The following DSC2 variants were observed in gnomAD, a reference collection of about 807,000 sequenced individuals.
DSC2 encodes the protein desmocollin 2, also known as desmocollin-2.
Under a neutral mutation model 87.6 loss-of-function variants are expected in DSC2, and 51 were observed. The ratio of observed to expected loss-of-function variants is 0.58; its 90% confidence interval spans 0.46 to 0.74. The LOEUF (loss-of-function observed/expected upper bound fraction) is 0.74. Ranked by LOEUF, DSC2 falls within the 30% of genes least tolerant of loss-of-function variation. DSC2 has a pLI of 0.00. For synonymous variants in DSC2, 383 were observed against 393.2 expected (o/e 0.97, Z 0.31); for missense variants, 1,066 against 1,089.5 (o/e 0.98, Z 0.30).
At position 31,070,747 on chromosome 18, in the gene DSC2, T is replaced by G. The variant is rs1380094242; in HGVS notation, c.2229A>C (p.Glu743Asp). Residue 743 changes from glutamate to aspartate, a missense_variant, in exon 14 of 16, where the codon GAA (glutamate) becomes GAC (aspartate). Glu to Asp is a conservative substitution (Grantham distance 45). Transcript: ENST00000280904. ...TTACCACTTTGTCATCTCCAGGAGC[T>G]TCTGTGTTTGATACAATTAGGTTCT... ...AQQNLIVSNTEAPGDDKVYSA... is the reference protein window; with the variant it reads ...AQQNLIVSNTDAPGDDKVYSA... 7.4e-6 allele frequency: 12 copies of G among 1,613,898 alleles called. No individual in the cohort carries two copies. Among genetic ancestry groups the G allele is most frequent in the South Asian group, 1.1e-5 (1 of 91,082 alleles).
chr18:31,068,863 A>G (rs1468212502), intron 15 of DSC2, 31 bp downstream of exon 15: 4 of 1,611,984 alleles, frequency 2.5e-6, no homozygotes, highest in African/African-American at 1.3e-5. Context: ...GAAAATTAAA[A>G]TAGATTTGTA....
chr18:31,079,704 A>T, intron 11 of DSC2, 143 bp downstream of exon 11: 1 of 893,142 alleles, frequency 1.1e-6, no homozygotes, highest in Non-Finnish European at 1.7e-6. Context: ...TTAATAAATT[A>T]TAGTAAACCT....
At chr18:31,088,452 G>A (rs566051752) in intron 5 of DSC2, among the ~76,000 whole-genome samples, 82 of 152,148 alleles carry the variant, frequency 5.4e-4, no homozygotes, top group African/African-American at 1.8e-3. Context: ...AGAAAGGCCA[G>A]AACATCCTAG....
At position 31,082,453 on chromosome 18, in the gene DSC2, C is replaced by T. The variant is rs200212096; in HGVS notation, c.1078-30G>A. On this transcript the variant is annotated intron_variant, in intron 8 of 15. Transcript: ENST00000280904. The stretch of plus-strand genomic sequence containing the variant: ...AATAATAAAAGCAAACAAAAAATTT[C>T]GTTAGTAACTCTCACAAAAATTGAA... 298 of 1,599,264 alleles carry T rather than the reference C, an allele frequency of 1.9e-4. No homozygotes were observed. The African/African-American group carries it at 3.3e-3, about 18-fold the overall frequency.
chr18:31,078,754 C>T (rs1164585724), intron 11 of DSC2, among the ~76,000 whole-genome samples: 1 of 152,110 alleles, frequency 6.6e-6, no homozygotes, highest in African/African-American at 2.4e-5. Flanking sequence ...CTTCCAAAAT[C>T]ACTTCTAAAT....
At position 31,064,039 on chromosome 18, in the gene DSC2, G is replaced by A. The variant is rs1480780880; in HGVS notation, c.*3976C>T. The stretch of plus-strand genomic sequence containing the variant: ...TGCTGAAGATTTAATCTGGGGTACT[G>A]GCGGGGGGGAATATTGATCAGGAAT... On this transcript the variant is annotated 3_prime_UTR_variant, in exon 16 of 16. Coordinates refer to ENST00000280904, the MANE Select transcript of DSC2 (RefSeq NM_024422.6). The A allele has an allele frequency of 6.6e-6, 1 of 152,628 alleles. No homozygotes were observed. Among genetic ancestry groups the A allele is most frequent in the East Asian group, 1.9e-4 (1 of 5,196 alleles). 9.5% of individuals were successfully genotyped at this position (152,628 alleles called of 1,614,324 possible).
chr18:31,072,472 T>C (rs900649870), intron 12 of DSC2, among the ~76,000 whole-genome samples: 13 of 152,184 alleles, frequency 8.5e-5, no homozygotes, highest in African/African-American at 2.9e-4. Flanking sequence ...CTAGAAAATA[T>C]CTAGAACCGA....
intron 1 of DSC2, among the ~76,000 whole-genome samples, chr18:31,096,984 G>A (rs2144858331): frequency 6.6e-6 from 1 of 152,162 alleles, no homozygotes; most frequent in South Asian, 2.1e-4. Flanking sequence ...TGAAAATATG[G>A]TTAGTCTTCA....
intron 12 of DSC2, among the ~76,000 whole-genome samples, chr18:31,073,433 G>C (rs1986900177): frequency 6.6e-6 from 1 of 150,926 alleles, no homozygotes; most frequent in Non-Finnish European, 1.5e-5. Context: ...TGTTTAGAAA[G>C]CTGAAAATCT....
At chr18:31,097,163 C>T (rs918754223) in intron 1 of DSC2, among the ~76,000 whole-genome samples, 3 of 151,768 alleles carry the variant, frequency 2.0e-5, no homozygotes, top group Middle Eastern at 3.4e-3. Context: ...TGGCGGGCAC[C>T]GGTAGTCCCG....
Position 31,090,151 on chromosome 18 carries a change from G to A in DSC2, c.475-557C>T, listed in dbSNP as rs991867473. Among the ~76,000 whole-genome samples the A allele has an allele frequency of 1.6e-4, 24 of 151,958 alleles. 1 individual carries two copies. The highest frequency in any genetic ancestry group is 1.2e-3 in the Admixed American group (18 of 15,250). ...TGTGTAATATTCTGATCCTTGATTC[G>A]AAAAGCAAATTTCCTCCAAGCTGTG... On this transcript the variant is annotated intron_variant, in intron 4 of 15. Coordinates refer to ENST00000280904, the MANE Select transcript of DSC2 (RefSeq NM_024422.6).
intron 7 of DSC2, among the ~76,000 whole-genome samples, chr18:31,086,020 G>A (rs1294504518): frequency 6.6e-6 from 1 of 152,086 alleles, no homozygotes; most frequent in Non-Finnish European, 1.5e-5. Context: ...TGACTCCAAG[G>A]TGACAATAGA....
intron 1 of DSC2, among the ~76,000 whole-genome samples, chr18:31,095,740 A>G (rs1000067710): frequency 6.6e-6 from 1 of 152,152 alleles, no homozygotes; most frequent in Non-Finnish European, 1.5e-5. Context: ...GGTAAGACAT[A>G]TTTGTAATTT....
intron 11 of DSC2, among the ~76,000 whole-genome samples, chr18:31,077,193 T>C (rs180755805): frequency 2.0e-5 from 3 of 152,324 alleles, no homozygotes; most frequent in Admixed American, 2.0e-4. Context: ...AGTATTTACA[T>C]TAGAAAAAGG....
At chr18:31,090,553 C>T (rs1010120253) in intron 4 of DSC2, among the ~76,000 whole-genome samples, 14 of 150,510 alleles carry the variant, frequency 9.3e-5, no homozygotes, top group South Asian at 2.1e-4. Context: ...GAGATCTCAT[C>T]GCTACAAAAA....
At chr18:31,081,846 C>A (rs1987228851) in intron 9 of DSC2, among the ~76,000 whole-genome samples, 1 of 151,980 alleles carries the variant, frequency 6.6e-6, no homozygotes, top group East Asian at 1.9e-4. Flanking sequence ...CTATGAATAA[C>A]CTCTCCATGG....
At position 31,080,145 on chromosome 18, in the gene DSC2, T is replaced by C. The variant is rs1208425871; in HGVS notation, c.1471A>G (p.Asn491Asp). 6.2e-7 allele frequency: 1 copy of C among 1,614,144 alleles called. No homozygotes were observed. Among genetic ancestry groups the C allele is most frequent in the South Asian group, 1.1e-5 (1 of 91,086 alleles). The change falls in exon 10 of 16, where the codon AAT becomes GAT. Residue 491 changes from asparagine (N) to aspartate (D), a missense_variant. Coordinates refer to ENST00000280904, the MANE Select transcript of DSC2 (RefSeq NM_024422.6). ...TCTGGGTCATATGCTTTATATCCATTGCTTGTTGTTCCCACTTCTGCATTT... is the reference window on the plus strand; with the variant it reads ...TCTGGGTCATATGCTTTATATCCATCGCTTGTTGTTCCCACTTCTGCATTT... ...KENAEVGTTSNGYKAYDPETR... is the reference protein window; with the variant it reads ...KENAEVGTTSDGYKAYDPETR...
At chr18:31,101,812 G>A in intron 1 of DSC2, 91 bp downstream of exon 1, 3 of 326,262 alleles carry the variant, frequency 9.2e-6, no homozygotes, top group South Asian at 5.3e-5. Flanking sequence ...AGCTTTTCCC[G>A]CCACCCCCAC....
Position 31,086,564 on chromosome 18 carries a change from T to C in DSC2, c.942+12A>G, listed in dbSNP as rs1172617524. 1 of 1,613,396 alleles carries C rather than the reference T, an allele frequency of 6.2e-7. No homozygotes were observed. The highest frequency in any genetic ancestry group is 8.5e-7 in the Non-Finnish European group (1 of 1,179,936). ...CCACGTTATAATCAGGTTTTATTAATGTTTATGTTACCTCTCTGTCTAGCT... is the reference window on the plus strand; with the variant it reads ...CCACGTTATAATCAGGTTTTATTAACGTTTATGTTACCTCTCTGTCTAGCT... On this transcript the variant is annotated intron_variant, in intron 7 of 15. Coordinates refer to ENST00000280904, the MANE Select transcript of DSC2 (RefSeq NM_024422.6).
Sources: allele counts gnomAD v4.1 joint callset (sites outside exome capture counted in the v4.1 genomes callset), GRCh38; gene constraint gnomAD v4.1.1; transcripts MANE v1.5; gene names NCBI Gene and HGNC (gene_info 2026-07-23, HGNC 2026-07-21).